EHMT1: variants seen among roughly 807,000 people sequenced by gnomAD.
EHMT1 encodes euchromatic histone lysine methyltransferase 1.
EHMT1 carries 15 observed loss-of-function variants against 147.2 expected under a neutral mutation model. That is an observed-to-expected ratio of 0.10 (90% CI 0.07 to 0.16). The LOEUF is 0.16. EHMT1 is among the 10% of genes least tolerant of loss of function. The pLI is 1.00. For missense variants in EHMT1, 1,587 were observed against 1,772.4 expected (o/e 0.90, Z 1.88); for synonymous variants, 795 against 709.6 (o/e 1.12, Z -1.91).
Position 137,783,745 on chromosome 9 carries a change from G to A in EHMT1, c.2382+1348G>A, listed in dbSNP as rs112637959. Among the ~76,000 whole-genome samples, 895 of 152,300 alleles carry A rather than the reference G, an allele frequency of 5.9e-3. 9 individuals carry two copies. The highest frequency in any genetic ancestry group is 0.019 in the African/African-American group (790 of 41,552). ...TTCTTAGGGCCAAGAAGGAGAGAGC[G>A]ACGGGGCGCACCGTCTGCTGTGCCC... On this transcript the variant is annotated intron_variant, in intron 15 of 26. Coordinates refer to ENST00000460843, the MANE Select transcript of EHMT1 (RefSeq NM_024757.5).
At chr9:137,665,662 C>T (rs559310848) in intron 1 of EHMT1, among the ~76,000 whole-genome samples, 3 of 152,250 alleles carry the variant, frequency 2.0e-5, no homozygotes, top group African/African-American at 7.2e-5. Flanking sequence ...CCTGAGAGGC[C>T]CTACGAGCAG....
At chr9:137,801,698 C>T (rs922476365) in intron 18 of EHMT1, among the ~76,000 whole-genome samples, 1 of 152,050 alleles carries the variant, frequency 6.6e-6, no homozygotes, top group Admixed American at 6.5e-5. Context: ...GGGGTTTTAC[C>T]GTGTTGGCCA....
chr9:137,633,899 C>T (rs997127040), intron 1 of EHMT1, among the ~76,000 whole-genome samples: 6 of 151,720 alleles, frequency 4.0e-5, no homozygotes, highest in Admixed American at 2.0e-4. Flanking sequence ...CTGCAACCTC[C>T]GCCTCCCGGG....
At chr9:137,704,241 G>C (rs1944069188) in intron 1 of EHMT1, among the ~76,000 whole-genome samples, 1 of 152,170 alleles carries the variant, frequency 6.6e-6, no homozygotes. Flanking sequence ...ATATCACTAT[G>C]TGTCTGTAAA....
chr9:137,712,221 AC>A (rs1177715032), intron 2 of EHMT1, among the ~76,000 whole-genome samples: 1 of 151,804 alleles, frequency 6.6e-6, no homozygotes, highest in Non-Finnish European at 1.5e-5. Flanking sequence ...CTCCCTGGTC[AC>A]CCCTCCTTTG....
At position 137,786,568 on chromosome 9, in the gene EHMT1, C is replaced by T; in HGVS notation, c.2382+4171C>T. 6.4e-6 allele frequency: 1 copy of T among 157,012 alleles called. No homozygotes were observed. Among genetic ancestry groups the T allele is most frequent in the South Asian group, 1.8e-4 (1 of 5,446 alleles). 9.7% of individuals were successfully genotyped at this position (157,012 alleles called of 1,614,324 possible). On this transcript the variant is annotated intron_variant, in intron 15 of 26. Transcript: ENST00000460843. The surrounding 1 kb of genome is among the most constrained non-coding windows in gnomAD (Gnocchi z 4.3). ...CGTGTGGAGTCATCTCTCCCGGGCT[C>T]CGGTCTTGGTCGTGTGGAGTCATCT... is the stretch of plus-strand genomic sequence containing the variant.
At position 137,732,643 on chromosome 9, in the gene EHMT1, A is replaced by T. The variant is rs1410188668; in HGVS notation, c.823+4114A>T. 2.0e-5 allele frequency among the ~76,000 whole-genome samples: 3 copies of T among 151,750 alleles called. No homozygotes were observed. The highest frequency in any genetic ancestry group is 2.9e-5 in the Non-Finnish European group (2 of 67,946). The stretch of plus-strand genomic sequence containing the variant: ...GCTAAAAGGCATCAAGGAAGTTCTC[A>T]CTCCAGGTTGTGGATTCTGCCGGGA... On this transcript the variant is annotated intron_variant, in intron 4 of 26. Transcript: ENST00000460843. The surrounding 1 kb of genome is among the most constrained non-coding windows in gnomAD (Gnocchi z 4.6).
intron 1 of EHMT1, among the ~76,000 whole-genome samples, chr9:137,707,496 T>C (rs900596505): frequency 6.6e-6 from 1 of 152,154 alleles, no homozygotes; most frequent in African/African-American, 2.4e-5. Flanking sequence ...AAGTGAGCAC[T>C]GGGGATGCTA....
chr9:137,832,890 C>T (rs1956316814), intron 25 of EHMT1: 1 of 152,244 alleles, frequency 6.6e-6, no homozygotes. Flanking sequence ...GGAGGGGTCG[C>T]CTATAGATTC....
At chr9:137,706,603 C>G (rs189899899) in intron 1 of EHMT1, among the ~76,000 whole-genome samples, 1 of 152,158 alleles carries the variant, frequency 6.6e-6, no homozygotes, top group South Asian at 2.1e-4. Context: ...TCTCCTGCCT[C>G]AGCCTCCTGA....
intron 1 of EHMT1, among the ~76,000 whole-genome samples, chr9:137,649,953 T>G (rs1845187543): frequency 1.3e-5 from 2 of 152,200 alleles, no homozygotes; most frequent in African/African-American, 4.8e-5. Flanking sequence ...GTGTTACTTC[T>G]TACAATTGCA....
intron 18 of EHMT1, among the ~76,000 whole-genome samples, chr9:137,805,116 TGCATGTGTGTGTCTCTCATCC>T (rs1308792308): frequency 2.2e-5 from 3 of 136,384 alleles, no homozygotes; most frequent in Non-Finnish European, 4.4e-5. Flanking sequence ...GTCAGTCATC[TGCATGTGTGTGTCTCTCATCC>T]GCATGTGTGA....
rs1464907543 is a variant in EHMT1, at chr9:137,775,719, G to A, written c.1791+467G>A. Among the ~76,000 whole-genome samples, 1 of 152,038 alleles carries A rather than the reference G, an allele frequency of 6.6e-6. No homozygotes were observed. Reference sequence around the variant, plus strand: ...GGTGTCCAGAGCACACAGCTCCTGGGAGAGGTGGCAGCACCTTGCTGTGCC... The same window carrying A: ...GGTGTCCAGAGCACACAGCTCCTGGAAGAGGTGGCAGCACCTTGCTGTGCC... On this transcript the variant is annotated intron_variant, in intron 11 of 26. Coordinates refer to ENST00000460843, the MANE Select transcript of EHMT1 (RefSeq NM_024757.5). The surrounding 1 kb of genome is among the most constrained non-coding windows in gnomAD (Gnocchi z 6.1).
chr9:137,729,651 C>T (rs929337992), intron 4 of EHMT1, among the ~76,000 whole-genome samples: 3 of 152,114 alleles, frequency 2.0e-5, no homozygotes, highest in Non-Finnish European at 4.4e-5. Flanking sequence ...CAAAATTCTA[C>T]GAATAAGTCC....
At chr9:137,705,091 G>T (rs1257692935) in intron 1 of EHMT1, among the ~76,000 whole-genome samples, 1 of 151,948 alleles carries the variant, frequency 6.6e-6, no homozygotes, top group African/African-American at 2.4e-5. Context: ...CTTGGTTCAA[G>T]GGAACCTCCC....
chr9:137,655,786 C>G (rs1314801280), intron 1 of EHMT1, among the ~76,000 whole-genome samples: 1 of 152,158 alleles, frequency 6.6e-6, no homozygotes, highest in East Asian at 1.9e-4. Context: ...TTATGAGAAT[C>G]TAGCGTCTGA....
At chr9:137,766,061 C>G (rs750682566) in intron 10 of EHMT1, among the ~76,000 whole-genome samples, 2 of 151,916 alleles carry the variant, frequency 1.3e-5, no homozygotes, top group African/African-American at 2.4e-5. Context: ...AGTTCAAGAC[C>G]AGCCTGGGCA....
chr9:137,796,016 T>C (rs528151073), intron 16 of EHMT1, among the ~76,000 whole-genome samples: 29 of 152,350 alleles, frequency 1.9e-4, no homozygotes, highest in Non-Finnish European at 3.5e-4. Flanking sequence ...CTGTCAGTAG[T>C]TATGCTGCAG....
At chr9:137,708,432 A>G (rs1195573796) in intron 1 of EHMT1, among the ~76,000 whole-genome samples, 1 of 152,336 alleles carries the variant, frequency 6.6e-6, no homozygotes, top group South Asian at 2.1e-4. Context: ...CCCATCTTGG[A>G]TGCATCTTTG....
Sources: allele counts gnomAD v4.1 joint callset (sites outside exome capture counted in the v4.1 genomes callset), GRCh38; gene constraint gnomAD v4.1.1; non-coding constraint Gnocchi (gnomAD v3.1); transcripts MANE v1.5; gene names NCBI Gene and HGNC (gene_info 2026-07-23, HGNC 2026-07-21).